CINP: variants seen among roughly 807,000 people sequenced by gnomAD.
The protein encoded by CINP is cyclin-dependent kinase 2-interacting protein.
CINP carries 11 observed loss-of-function variants against 20.5 expected under a neutral mutation model. That is an observed-to-expected ratio of 0.54 (90% CI 0.34 to 0.89). The LOEUF is 0.89. Ranked by LOEUF, CINP falls within the 40% of genes least tolerant of loss-of-function variation. CINP has a pLI of 0.02. For missense variants in CINP, 213 were observed against 251.0 expected (o/e 0.85, Z 1.02); for synonymous variants, 108 against 102.1 (o/e 1.06, Z -0.35).
chr14:102,359,232 A>ATATATATATATATATATATT lies in CINP; in HGVS notation c.176+186_176+187insAATATATATATATATATATA, dbSNP rs1887074916. Reference sequence around the variant, plus strand: ...AATAAATAAATAAATAACTAAATATATATATATATATATATATATATGGAA... The same window carrying ATATATATATATATATATATT: ...AATAAATAAATAAATAACTAAATATATATATATATATATATATATTTATATATATATATATATATATGGAA... On this transcript the variant is annotated intron_variant, in intron 2 of 4. Transcript: ENST00000216756. Among the ~76,000 whole-genome samples, 6 of 116,838 alleles carry ATATATATATATATATATATT rather than the reference A, an allele frequency of 5.1e-5. No individual in the cohort carries two copies. In the East Asian group the frequency reaches 1.3e-3, roughly 25 times the overall value. The allele number at this position is 116,838 out of a possible 152,430, so 76.7% of individuals were successfully genotyped here. A position where few individuals can be genotyped will look rare whatever the true frequency, so the allele number is the denominator to read the frequency against.
intron 3 of CINP, among the ~76,000 whole-genome samples, chr14:102,353,742 G>A (rs927179359): frequency 4.6e-5 from 7 of 152,074 alleles, no homozygotes; most frequent in Admixed American, 2.6e-4. Context: ...GGAGCCTGAG[G>A]AAACAAGGGG....
Position 102,351,488 on chromosome 14 carries a change from AC to A in CINP, c.307-1441del, listed in dbSNP as rs1886871425. Reference sequence around the variant, plus strand: ...ATAAAGAAAATTAATGGGTGAAGTAACTAGGATTTCAGATTTAAGTAGCATA... The same window carrying A: ...ATAAAGAAAATTAATGGGTGAAGTAATAGGATTTCAGATTTAAGTAGCATA... On this transcript the variant is annotated intron_variant, in intron 3 of 4. Coordinates refer to ENST00000216756, the MANE Select transcript of CINP (RefSeq NM_032630.3). The surrounding 1 kb of genome is among the most constrained non-coding windows in gnomAD (Gnocchi z 4.2). Among the ~76,000 whole-genome samples the A allele has an allele frequency of 6.6e-6, 1 of 152,224 alleles. No homozygotes were observed. The highest frequency in any genetic ancestry group is 1.5e-5 in the Non-Finnish European group (1 of 68,048).
Position 102,351,351 on chromosome 14 carries a change from C to T in CINP, c.307-1303G>A, listed in dbSNP as rs1886869417. ...GACACTAAACCAACCCCACTGCACACACCAGGCAGCACAGAATAGGGGCAA... is the reference window on the plus strand; with the variant it reads ...GACACTAAACCAACCCCACTGCACATACCAGGCAGCACAGAATAGGGGCAA... On this transcript the variant is annotated intron_variant, in intron 3 of 4. Transcript: ENST00000216756. The surrounding 1 kb of genome is among the most constrained non-coding windows in gnomAD (Gnocchi z 4.2). 6.6e-6 allele frequency among the ~76,000 whole-genome samples: 1 copy of T among 152,156 alleles called. No homozygotes were observed.
At chr14:102,353,474 A>G (rs1886920021) in intron 3 of CINP, among the ~76,000 whole-genome samples, 1 of 152,066 alleles carries the variant, frequency 6.6e-6, no homozygotes, top group Non-Finnish European at 1.5e-5. Context: ...CAGGAGTTTG[A>G]GACCAGCCCG....
intron 1 of CINP, among the ~76,000 whole-genome samples, chr14:102,362,003 C>G (rs1361823777): frequency 6.6e-6 from 1 of 152,164 alleles, no homozygotes. Flanking sequence ...ACTGGAAATT[C>G]GACTAGGGTA....
chr14:102,356,764 T>C (rs1227363864), intron 2 of CINP, among the ~76,000 whole-genome samples: 1 of 152,202 alleles, frequency 6.6e-6, no homozygotes, highest in Non-Finnish European at 1.5e-5. Flanking sequence ...ATCTTTGATA[T>C]TGCTAGTTTA....
rs760883958 is a variant in CINP, at chr14:102,349,958, G to A, written c.397C>T (p.Arg133Ter). Residue 133 changes from arginine to a stop codon, truncating the protein, a stop_gained, in exon 4 of 5, where the codon CGA becomes TGA. Transcript: ENST00000216756. LOFTEE classifies it low-confidence loss of function (END_TRUNC). ...GGCCACGTGTGGAACAGAGGGGGTCGTTTACTCTCCTCCCCATAATGGTAG... is the reference window on the plus strand; with the variant it reads ...GGCCACGTGTGGAACAGAGGGGGTCATTTACTCTCCTCCCCATAATGGTAG... ...ENYHYGEESK[R>*]PPLFHTWPTT... 3.5e-5 allele frequency: 57 copies of A among 1,613,506 alleles called. No homozygotes were observed. The highest frequency in any genetic ancestry group is 4.6e-5 in the Non-Finnish European group (54 of 1,179,832).
At chr14:102,355,292 A>C (rs1379642742) in intron 3 of CINP, among the ~76,000 whole-genome samples, 1 of 152,050 alleles carries the variant, frequency 6.6e-6, no homozygotes, top group African/African-American at 2.4e-5. Context: ...CAGCAGGTGG[A>C]TCACCTGAGG....
intron 4 of CINP, 53 bp from the exon 5 acceptor site, chr14:102,348,812 G>C: frequency 6.6e-7 from 1 of 1,512,578 alleles, no homozygotes; most frequent in African/African-American, 1.4e-5. Context: ...ACATAGTGTC[G>C]ACTTGGGAAG....
intron 2 of CINP, among the ~76,000 whole-genome samples, chr14:102,359,108 G>C (rs1381284196): frequency 1.3e-5 from 2 of 151,590 alleles, no homozygotes; most frequent in Non-Finnish European, 2.9e-5. Context: ...GGCTGAGGTA[G>C]GAGAATTGCT....
Position 102,350,831 on chromosome 14 carries a change from C to T in CINP, c.307-783G>A, listed in dbSNP as rs1341004611. The stretch of plus-strand genomic sequence containing the variant: ...CTCTTTTTTTTTTTTTTTTTTGAGA[C>T]GGAGTCTTGCTCTGTTGCCAAGCTG... On this transcript the variant is annotated intron_variant, in intron 3 of 4. Coordinates refer to ENST00000216756, the MANE Select transcript of CINP (RefSeq NM_032630.3). Among the ~76,000 whole-genome samples, 15 of 124,488 alleles carry T rather than the reference C, an allele frequency of 1.2e-4. No homozygotes were observed. The Admixed American group carries it at 1.5e-3, about 12-fold the overall frequency. The allele number at this position is 124,488 out of a possible 152,430, so 81.7% of individuals were successfully genotyped here. A position where few individuals can be genotyped will look rare whatever the true frequency, so the allele number is the denominator to read the frequency against.
In CINP at chr14:102,355,861, T is replaced by C. The variant is rs1275421657; in HGVS notation, c.213A>G (p.Pro71=). 1 of 1,614,248 alleles carries C rather than the reference T, an allele frequency of 6.2e-7. No individual in the cohort carries two copies. Among genetic ancestry groups the C allele is most frequent in the South Asian group, 1.1e-5 (1 of 91,090 alleles). ...KDKIELDSSS[P]ASKENEEKVC... ...CCTTTTCTTCATTTTCCTTCGAGGC[T>C]GGGCTGCTGCTGTCTAGTTCTATCT... The change falls in exon 3 of 5, where the codon CCA becomes CCG. Residue 71 remains proline (P), a synonymous_variant. Transcript: ENST00000216756.
At chr14:102,355,997 T>C (rs1886991671) in intron 2 of CINP, 100 bp from the exon 3 acceptor site, 1 of 1,220,908 alleles carries the variant, frequency 8.2e-7, no homozygotes. Context: ...CATAGTTACG[T>C]GGGACATTTT....
intron 3 of CINP, among the ~76,000 whole-genome samples, chr14:102,354,064 G>A (rs1183087251): frequency 1.3e-5 from 2 of 152,192 alleles, no homozygotes; most frequent in Non-Finnish European, 2.9e-5. Context: ...ATTCCACAGC[G>A]AGACCTTGTC....
chr14:102,357,307 G>A lies in CINP; in HGVS notation c.177-1410C>T, dbSNP rs540405117. ...AAAGGCAGGAGAATTGCTTGAACCC[G>A]GGAGGCAGAGGTTGCAGTGAGCCAA... On this transcript the variant is annotated intron_variant, in intron 2 of 4. Transcript: ENST00000216756. Among the ~76,000 whole-genome samples, 193 of 151,428 alleles carry A rather than the reference G, an allele frequency of 1.3e-3. 1 individual carries two copies. Among genetic ancestry groups the A allele is most frequent in the African/African-American group, 4.2e-3 (174 of 41,214 alleles).
At chr14:102,349,850 T>A in intron 4 of CINP, 69 bp downstream of exon 4, 1 of 1,556,810 alleles carries the variant, frequency 6.4e-7, no homozygotes, top group African/African-American at 1.4e-5. Context: ...AAGTACCAGA[T>A]GTAAACGATA....
chr14:102,348,978 C>T (rs116207593), intron 4 of CINP, among the ~76,000 whole-genome samples: 1,588 of 152,246 alleles, frequency 0.01, 30 homozygotes, highest in African/African-American at 0.036. Context: ...ACAAGCCGGG[C>T]GTGGTGGCCC....
chr14:102,348,819 G>A (rs1886804400), intron 4 of CINP, 60 bp from the exon 5 acceptor site: 2 of 1,480,810 alleles, frequency 1.4e-6, no homozygotes, highest in Admixed American at 1.9e-5. Context: ...GTCGACTTGG[G>A]AAGAACTACA....
intron 3 of CINP, among the ~76,000 whole-genome samples, chr14:102,350,714 G>GCTCT (rs759772323): frequency 1.9e-4 from 29 of 149,968 alleles, no homozygotes; most frequent in Admixed American, 1.8e-3. Flanking sequence ...CGTTTCTGAT[G>GCTCT]CTCTCTCTCT....
Sources: allele counts gnomAD v4.1 joint callset (sites outside exome capture counted in the v4.1 genomes callset), GRCh38; gene constraint gnomAD v4.1.1; non-coding constraint Gnocchi (gnomAD v3.1); transcripts MANE v1.5; gene names NCBI Gene and HGNC (gene_info 2026-07-23, HGNC 2026-07-21).